ITGAD: variants seen among roughly 807,000 people sequenced by gnomAD.
The protein encoded by ITGAD is integrin subunit alpha D.
Under a neutral mutation model 139.0 loss-of-function variants are expected in ITGAD, and 105 were observed. The observed-to-expected ratio is 0.76, with a 90% CI of 0.65 to 0.89. The LOEUF is 0.89. Among genes scored for constraint, ITGAD ranks in the 40% least tolerant of loss-of-function variants. ITGAD has a pLI of 0.00. For synonymous variants in ITGAD, 569 were observed against 598.3 expected (o/e 0.95, Z 0.71); for missense variants, 1,384 against 1,487.3 (o/e 0.93, Z 1.14).
At chr16:31,395,407 G>T (rs1369263087) in intron 2 of ITGAD, among the ~76,000 whole-genome samples, 1 of 152,116 alleles carries the variant, frequency 6.6e-6, no homozygotes, top group Non-Finnish European at 1.5e-5. Flanking sequence ...CCTCCTGAAG[G>T]GTGGTGAAGG....
intron 17 of ITGAD, 41 bp from the exon 18 acceptor site, chr16:31,414,819 T>C (rs1056970384): frequency 9.3e-6 from 15 of 1,607,976 alleles, no homozygotes; most frequent in African/African-American, 1.3e-5. Flanking sequence ...TGGTGGAGCG[T>C]AGAGAGGACA....
At chr16:31,419,048 C>T (rs1257700937) in intron 23 of ITGAD, among the ~76,000 whole-genome samples, 1 of 127,384 alleles carries the variant, frequency 7.9e-6, no homozygotes, top group Non-Finnish European at 1.7e-5. Context: ...AAAAAATTAG[C>T]TGGGCCTGGT....
chr16:31,422,678 T>C (rs1185082397), intron 23 of ITGAD, among the ~76,000 whole-genome samples: 1 of 152,008 alleles, frequency 6.6e-6, no homozygotes, highest in Admixed American at 6.6e-5. Context: ...AAGTGTAAAT[T>C]TCCAAAACTG....
chr16:31,424,241 A>T, intron 28 of ITGAD, 38 bp downstream of exon 28: 1 of 1,609,948 alleles, frequency 6.2e-7, no homozygotes, highest in South Asian at 1.1e-5. Context: ...AGCTGGAAAG[A>T]GGACCCCTAG....
In ITGAD at chr16:31,411,400, G is replaced by A. The variant is rs2081707914; in HGVS notation, c.1590G>A (p.Val530=). The change falls in exon 14 of 30, where the codon GTG becomes GTA. Residue 530 remains valine (V), a synonymous_variant. Transcript: ENST00000389202. ...CAGCCCTGACAGTGTTGGGGGATGTGAATGAGGACAAGCTGATAGACGTGG... is the reference window on the plus strand; with the variant it reads ...CAGCCCTGACAGTGTTGGGGGATGTAAATGAGGACAAGCTGATAGACGTGG... The part of the protein sequence containing the change: ...FGAALTVLGD[V]NEDKLIDVAI... 6.2e-6 allele frequency: 10 copies of A among 1,614,068 alleles called. No individual in the cohort carries two copies. Among genetic ancestry groups the A allele is most frequent in the Non-Finnish European group, 8.5e-6 (10 of 1,179,972 alleles).
At chr16:31,425,769 G>C (rs2082102605) in intron 29 of ITGAD, among the ~76,000 whole-genome samples, 1 of 151,078 alleles carries the variant, frequency 6.6e-6, no homozygotes, top group Admixed American at 6.6e-5. Context: ...GGCAACCTCT[G>C]CCTCCCGGGT....
chr16:31,395,347 T>C lies in ITGAD; in HGVS notation c.137+1006T>C, dbSNP rs190821394. 3.2e-3 allele frequency among the ~76,000 whole-genome samples: 472 copies of C among 149,574 alleles called. 4 individuals are homozygous for C. Among genetic ancestry groups the C allele is most frequent in the African/African-American group, 0.011 (453 of 40,892 alleles). ...AAAAAAAGTCATGGGAGAAGGGAGATGCACTGGGGGTTTGGAGCCTTAGCT... is the reference window on the plus strand; with the variant it reads ...AAAAAAAGTCATGGGAGAAGGGAGACGCACTGGGGGTTTGGAGCCTTAGCT... On this transcript the variant is annotated intron_variant, in intron 2 of 29. Transcript: ENST00000389202.
At chr16:31,411,051 G>A in intron 12 of ITGAD, 25 bp from the exon 13 acceptor site, 2 of 1,611,388 alleles carry the variant, frequency 1.2e-6, no homozygotes, top group Non-Finnish European at 1.7e-6. Context: ...GGGACAGGCA[G>A]CATGACCCAG....
In ITGAD at chr16:31,403,544, C is replaced by T. The variant is rs746168308; in HGVS notation, c.603C>T (p.Thr201=). The stretch of plus-strand genomic sequence containing the variant: ...CAAACCTCCTGAAGATCCACTTCAC[C>T]TTCACCCAATTCCGGACCAGCCCGA... ...QYSNLLKIHF[T]FTQFRTSPSQ... The change falls in exon 7 of 30, where the codon ACC becomes ACT. Residue 201 remains threonine, a synonymous_variant. Transcript: ENST00000389202. This position sits in a 1 kb window ranked among gnomAD's most constrained non-coding sequence, Gnocchi z 4.4. 1.2e-5 allele frequency: 20 copies of T among 1,614,092 alleles called. No individual in the cohort carries two copies. The highest frequency in any genetic ancestry group is 1.7e-5 in the Non-Finnish European group (20 of 1,180,062).
At chr16:31,421,728 C>T (rs746441488) in intron 23 of ITGAD, among the ~76,000 whole-genome samples, 2 of 152,028 alleles carry the variant, frequency 1.3e-5, no homozygotes, top group Non-Finnish European at 2.9e-5. Context: ...TGAAAAGCTA[C>T]AGTTTCCAGA....
At position 31,426,211 on chromosome 16, in the gene ITGAD, G is replaced by A; in HGVS notation, c.*83G>A. The A allele has an allele frequency of 2.2e-6, 2 of 890,324 alleles. No individual in the cohort carries two copies. Among genetic ancestry groups the A allele is most frequent in the Non-Finnish European group, 3.7e-6 (2 of 544,280 alleles). The allele number at this position is 890,324 out of a possible 1,614,324, so 55.2% of individuals were successfully genotyped here. A position where few individuals can be genotyped will look rare whatever the true frequency, so the allele number is the denominator to read the frequency against. On this transcript the variant is annotated 3_prime_UTR_variant, in exon 30 of 30. Transcript: ENST00000389202. ...ATCAACTTACATGGAAACAACTTCT[G>A]CATAGATCTGCACTGGCCTAAGCAA...
In ITGAD at chr16:31,423,821, GTT is replaced by G. The variant is rs748712477; in HGVS notation, c.3046-22_3046-21del. The G allele has an allele frequency of 2.5e-6, 4 of 1,612,712 alleles. No homozygotes were observed. The South Asian group carries it at 4.4e-5, about 18-fold the overall frequency. On this transcript the variant is annotated intron_variant, in intron 26 of 29. Coordinates refer to ENST00000389202, the MANE Select transcript of ITGAD (RefSeq NM_005353.3). The stretch of plus-strand genomic sequence containing the variant: ...TCCCTCCTCAGGGAAGAACCCCTCA[GTT>G]TCACCCCTCTTCTGCCCCCAGGACT...
chr16:31,400,921 C>T (rs1379910523), intron 5 of ITGAD, among the ~76,000 whole-genome samples: 2 of 152,094 alleles, frequency 1.3e-5, no homozygotes, highest in African/African-American at 4.8e-5. Flanking sequence ...TATTCTTGGG[C>T]ACCGCACCCA....
At chr16:31,420,725 C>G (rs2081991172) in intron 23 of ITGAD, among the ~76,000 whole-genome samples, 1 of 152,182 alleles carries the variant, frequency 6.6e-6, no homozygotes, top group Non-Finnish European at 1.5e-5. Context: ...CAGGCATGTG[C>G]CACCATGCCT....
At chr16:31,416,755 T>C (rs1327860979) in intron 20 of ITGAD, 109 bp downstream of exon 20, 6 of 1,040,746 alleles carry the variant, frequency 5.8e-6, no homozygotes, top group Non-Finnish European at 8.3e-6. Context: ...GTGCTCTCTC[T>C]CTCTCTCTCA....
rs754794381 is a variant in ITGAD at position 31,423,168 on chromosome 16, G to T, written c.2835G>T (p.Met945Ile). 3.7e-6 allele frequency: 6 copies of T among 1,613,962 alleles called. No individual in the cohort carries two copies. Reference sequence around the variant, plus strand: ...TTGCAACCTCCGATGAGAAGAAAATGAAAGAGGCTGAGCATCGATACCGTG... The same window carrying T: ...TTGCAACCTCCGATGAGAAGAAAATTAAAGAGGCTGAGCATCGATACCGTG... ...FNFATSDEKK[M>I]KEAEHRYRVN... Residue 945 changes from methionine (M) to isoleucine (I), a missense_variant, in exon 24 of 30, where the codon ATG becomes ATT. Physicochemically the swap from Met to Ile is conservative, Grantham distance 10. Coordinates refer to ENST00000389202, the MANE Select transcript of ITGAD (RefSeq NM_005353.3).
intron 26 of ITGAD, 84 bp downstream of exon 26, chr16:31,423,732 G>T: frequency 6.6e-7 from 1 of 1,520,954 alleles, no homozygotes; most frequent in Non-Finnish European, 9.1e-7. Context: ...ACAGAGTTCC[G>T]TGCATGTCCT....
intron 18 of ITGAD, among the ~76,000 whole-genome samples, chr16:31,415,788 G>T (rs1194619932): frequency 2.6e-5 from 4 of 152,150 alleles, no homozygotes; most frequent in Admixed American, 2.6e-4. Context: ...CACCAAGGTG[G>T]TGCCACAGCA....
chr16:31,416,175 G>A (rs1293348642), intron 18 of ITGAD, 38 bp from the exon 19 acceptor site: 2 of 1,517,480 alleles, frequency 1.3e-6, no homozygotes, highest in Non-Finnish European at 1.8e-6. Context: ...GAAAGACTAA[G>A]ATGTCAGATG....
Sources: allele counts gnomAD v4.1 joint callset (sites outside exome capture counted in the v4.1 genomes callset), GRCh38; gene constraint gnomAD v4.1.1; non-coding constraint Gnocchi (gnomAD v3.1); transcripts MANE v1.5; gene names NCBI Gene and HGNC (gene_info 2026-07-23, HGNC 2026-07-21).